Variants in USF3 observed in about 807,000 individuals in gnomAD.
The protein encoded by USF3 is basic helix-loop-helix domain-containing protein USF3.
A neutral mutation model predicts 157.5 loss-of-function variants in USF3; 29 were observed. The ratio of observed to expected loss-of-function variants is 0.18; its 90% CI spans 0.14 to 0.25. USF3 has a LOEUF of 0.25. Among genes scored for constraint, USF3 ranks in the 10% least tolerant of loss-of-function variants. The pLI is 1.00. For missense variants in USF3, 2,381 were observed against 2,667.6 expected (o/e 0.89, Z 2.37); for synonymous variants, 893 against 941.4 (o/e 0.95, Z 0.94).
chr3:113,672,325 C>A lies in USF3; in HGVS notation c.76+1023G>T, dbSNP rs146788644. Among the ~76,000 whole-genome samples the A allele has an allele frequency of 3.9e-3, 588 of 151,758 alleles. 4 individuals carry two copies. The highest frequency in any genetic ancestry group is 0.014 in the African/African-American group (559 of 41,338). On this transcript the variant is annotated intron_variant, in intron 4 of 6. Coordinates refer to ENST00000316407, the MANE Select transcript of USF3 (RefSeq NM_001009899.4). The stretch of plus-strand genomic sequence containing the variant: ...ATTTTTAGAAGAGATGGGGTTTCGC[C>A]ATGTTGGCCAGGCTGGTCTCAAACT...
intron 1 of USF3, among the ~76,000 whole-genome samples, chr3:113,684,425 T>C (rs1271660078): frequency 1.3e-5 from 2 of 152,174 alleles, no homozygotes; most frequent in African/African-American, 4.8e-5. Flanking sequence ...TCCAATATTA[T>C]CTCTTTGAAT....
rs1947283836 is a variant in USF3, at chr3:113,652,608, T to C, written c.*2336A>G. On this transcript the variant is annotated 3_prime_UTR_variant, in exon 7 of 7. Transcript: ENST00000316407. Reference sequence around the variant, plus strand: ...TTTTGCTGAGTCTTTAGAAGAGGTATTCACTGGAGTTAACTGCTCTGACCA... The same window carrying C: ...TTTTGCTGAGTCTTTAGAAGAGGTACTCACTGGAGTTAACTGCTCTGACCA... 1 of 151,750 alleles carries C rather than the reference T, an allele frequency of 6.6e-6. No homozygotes were observed. Among genetic ancestry groups the C allele is most frequent in the Non-Finnish European group, 1.5e-5 (1 of 68,040 alleles). 9.4% of individuals were successfully genotyped at this position (151,750 alleles called of 1,614,324 possible). A position where few individuals can be genotyped will look rare whatever the true frequency, so the allele number is the denominator to read the frequency against.
At position 113,673,394 on chromosome 3, in the gene USF3, G is replaced by T; in HGVS notation, c.48-18C>A. On this transcript the variant is annotated intron_variant, in intron 3 of 6. Coordinates refer to ENST00000316407, the MANE Select transcript of USF3 (RefSeq NM_001009899.4). ...TTTTCTTTCTGAAACAAAAAGTACA[G>T]ATAAAAGGTAACATGAAAATAATGG... 1 of 1,533,364 alleles carries T rather than the reference G, an allele frequency of 6.5e-7. No individual in the cohort carries two copies. Among genetic ancestry groups the T allele is most frequent in the Non-Finnish European group, 9.0e-7 (1 of 1,110,024 alleles). 95.0% of individuals were successfully genotyped at this position (1,533,364 alleles called of 1,614,324 possible). A position where few individuals can be genotyped will look rare whatever the true frequency, so the allele number is the denominator to read the frequency against.
Position 113,660,781 on chromosome 3 carries a change from T to C in USF3, c.901A>G (p.Thr301Ala). ...GCTGAGGAGCTGTGGGGGATGTTTG[T>C]AACACAAGGGGTCATTTTCTTCAAT... ...KVLKKMTPCV[T>A]NIPHSSSATA... Residue 301 changes from threonine (T) to alanine (A), a missense_variant, in exon 7 of 7, where the codon ACA (threonine) becomes GCA (alanine). Transcript: ENST00000316407. 1.2e-6 allele frequency: 2 copies of C among 1,614,222 alleles called. No individual in the cohort carries two copies. The highest frequency in any genetic ancestry group is 2.2e-5 in the South Asian group (2 of 91,086).
intron 1 of USF3, among the ~76,000 whole-genome samples, chr3:113,685,234 CG>C (rs1159128676): frequency 2.0e-5 from 3 of 152,072 alleles, no homozygotes; most frequent in Admixed American, 6.5e-5. Context: ...CTGAGCTGCC[CG>C]GAGTTGGGGA....
intron 1 of USF3, among the ~76,000 whole-genome samples, chr3:113,686,741 G>A (rs573755533): frequency 6.6e-6 from 1 of 152,234 alleles, no homozygotes; most frequent in South Asian, 2.1e-4. Context: ...AATAATCACA[G>A]TAATTCTTAC....
In USF3 at chr3:113,655,144, T is replaced by G; in HGVS notation, c.6538A>C (p.Met2180Leu). The G allele has an allele frequency of 6.2e-7, 1 of 1,614,236 alleles. No individual in the cohort carries two copies. The highest frequency in any genetic ancestry group is 8.5e-7 in the Non-Finnish European group (1 of 1,180,036). Reference sequence around the variant, plus strand: ...AAATTGGATAAGTGAGAGTTGGTCATGTGCATTGGTGGCATATCTGGGAGA... The same window carrying G: ...AAATTGGATAAGTGAGAGTTGGTCAGGTGCATTGGTGGCATATCTGGGAGA... ...PLLPDMPPMHMTNSHLSNFNM... is the reference protein window; with the variant it reads ...PLLPDMPPMHLTNSHLSNFNM... The change falls in exon 7 of 7, where the codon ATG becomes CTG. Residue 2180 changes from methionine (M) to leucine (L), a missense_variant. This residue lies in a region of USF3 where 770 missense variants were observed against 824.2 expected (regional missense o/e 0.93). Coordinates refer to ENST00000316407, the MANE Select transcript of USF3 (RefSeq NM_001009899.4).
At position 113,660,491 on chromosome 3, in the gene USF3, A is replaced by G; in HGVS notation, c.1191T>C (p.Gly397=). 1 of 1,614,132 alleles carries G rather than the reference A, an allele frequency of 6.2e-7. No individual in the cohort carries two copies. Among genetic ancestry groups the G allele is most frequent in the Non-Finnish European group, 8.5e-7 (1 of 1,180,022 alleles). The change falls in exon 7 of 7, where the codon GGT becomes GGC. Residue 397 remains glycine (G), a synonymous_variant. Coordinates refer to ENST00000316407, the MANE Select transcript of USF3 (RefSeq NM_001009899.4). ...AAGGCAAAGAACAAGAAAGAGTCCA[A>G]CCATTGTCCAAAGGGTTTCCCGAAA... ...STLSGNPLDN[G]WTLSCSLPSS...
intron 1 of USF3, among the ~76,000 whole-genome samples, chr3:113,680,126 A>G (rs1202506634): frequency 6.7e-6 from 1 of 148,594 alleles, no homozygotes; most frequent in African/African-American, 2.5e-5. Context: ...GCTTCACAGA[A>G]TGAATTCGAA....
At chr3:113,677,614 T>C (rs1371147124) in intron 1 of USF3, among the ~76,000 whole-genome samples, 4 of 152,204 alleles carry the variant, frequency 2.6e-5, no homozygotes, top group African/African-American at 9.7e-5. Context: ...AAGATGGTAG[T>C]CTTACAGCCA....
chr3:113,689,207 C>T (rs1707630998), intron 1 of USF3, among the ~76,000 whole-genome samples: 1 of 152,126 alleles, frequency 6.6e-6, no homozygotes, highest in Admixed American at 6.5e-5. Flanking sequence ...GAAATAAGTA[C>T]CCTTTAGAGT....
At position 113,659,791 on chromosome 3, in the gene USF3, T is replaced by C. The variant is rs1392331843; in HGVS notation, c.1891A>G (p.Lys631Glu). ...NVPTPQTFGG[K>E]HLVHILPRPS... ...CTTGGTAATATGTGGACAAGATGCT[T>C]TCCTCCAAAAGTCTGTGGTGTTGGA... is the stretch of plus-strand genomic sequence containing the variant. The change falls in exon 7 of 7, where the codon AAG becomes GAG. Residue 631 changes from lysine to glutamate, a missense_variant. This residue lies in a region of USF3 where 1,435 missense variants were observed against 1,550.9 expected (regional missense o/e 0.93). Coordinates refer to ENST00000316407, the MANE Select transcript of USF3 (RefSeq NM_001009899.4). The C allele has an allele frequency of 6.2e-7, 1 of 1,614,214 alleles. No homozygotes were observed. Among genetic ancestry groups the C allele is most frequent in the Non-Finnish European group, 8.5e-7 (1 of 1,180,020 alleles).
At position 113,660,046 on chromosome 3, in the gene USF3, C is replaced by T. The variant is rs1428485631; in HGVS notation, c.1636G>A (p.Ala546Thr). The T allele has an allele frequency of 6.2e-7, 1 of 1,614,192 alleles. No homozygotes were observed. Among genetic ancestry groups the T allele is most frequent in the Non-Finnish European group, 8.5e-7 (1 of 1,180,040 alleles). ...ATTATAACATTTTGATTAGTTGGAGCTGAATTAACAGCTGACCCAACTGGC... is the reference window on the plus strand; with the variant it reads ...ATTATAACATTTTGATTAGTTGGAGTTGAATTAACAGCTGACCCAACTGGC... ...AQPVGSAVNSAPTNQNVIILQ... is the reference protein window; with the variant it reads ...AQPVGSAVNSTPTNQNVIILQ... The change falls in exon 7 of 7, where the codon GCT (alanine) becomes ACT (threonine). Residue 546 changes from alanine (A) to threonine (T), a missense_variant. Ala to Thr is a moderately conservative substitution (Grantham distance 58). This residue lies in a region of USF3 where 1,435 missense variants were observed against 1,550.9 expected (regional missense o/e 0.93). Transcript: ENST00000316407.
chr3:113,661,432 T>A lies in USF3; in HGVS notation c.257-7A>T. 1.3e-6 allele frequency: 2 copies of A among 1,491,012 alleles called. No individual in the cohort carries two copies. The highest frequency in any genetic ancestry group is 9.0e-7 in the Non-Finnish European group (1 of 1,110,738). The allele number at this position is 1,491,012 out of a possible 1,614,324, so 92.4% of individuals were successfully genotyped here. On this transcript the variant is annotated splice_polypyrimidine_tract_variant and splice_region_variant and intron_variant, in intron 6 of 6. Coordinates refer to ENST00000316407, the MANE Select transcript of USF3 (RefSeq NM_001009899.4). The stretch of plus-strand genomic sequence containing the variant: ...AGCTTTTTTATTTCTTCAGCTATAA[T>A]ATTAAAAACAAAAATTTATAAATAC...
At chr3:113,674,941 G>T in intron 2 of USF3, 45 bp from the exon 3 acceptor site, 1 of 1,288,338 alleles carries the variant, frequency 7.8e-7, no homozygotes, top group Non-Finnish European at 1.1e-6. Context: ...AGTCATTCTA[G>T]AATCTTACAA....
In USF3 at chr3:113,658,906, G is replaced by C. The variant is rs1196582440; in HGVS notation, c.2776C>G (p.Pro926Ala). 1 of 1,614,194 alleles carries C rather than the reference G, an allele frequency of 6.2e-7. No homozygotes were observed. Among genetic ancestry groups the C allele is most frequent in the Non-Finnish European group, 8.5e-7 (1 of 1,180,038 alleles). The change falls in exon 7 of 7, where the codon CCA becomes GCA. Residue 926 changes from proline (P) to alanine (A), a missense_variant. Pro to Ala is a conservative substitution (Grantham distance 27). Transcript: ENST00000316407. ...GCATCTGATAATGCTAAACTACTTG[G>C]TGGTTTATCCTGAGATGTCTCTTGT... Reference protein sequence around the residue: ...LQQETSQDKPPSSLALSDAAK... With the variant: ...LQQETSQDKPASSLALSDAAK...
chr3:113,659,375 T>C lies in USF3; in HGVS notation c.2307A>G (p.Leu769=), dbSNP rs1441945200. 2.5e-6 allele frequency: 4 copies of C among 1,614,246 alleles called. No individual in the cohort carries two copies. Among genetic ancestry groups the C allele is most frequent in the East Asian group, 2.2e-5 (1 of 44,888 alleles). The change falls in exon 7 of 7, where the codon CTA becomes CTG. Residue 769 remains leucine (L), a synonymous_variant. Transcript: ENST00000316407. The part of the protein sequence containing the change: ...PPVTTDSSAT[L]ASTYNLVSTS... The stretch of plus-strand genomic sequence containing the variant: ...TACTCACTAGATTATAAGTACTAGC[T>C]AGTGTGGCTGAACTATCTGTTGTCA...
In USF3 at chr3:113,652,809, A is replaced by G. The variant is rs1480998793; in HGVS notation, c.*2135T>C. 1 of 171,848 alleles carries G rather than the reference A, an allele frequency of 5.8e-6. No individual in the cohort carries two copies. Among genetic ancestry groups the G allele is most frequent in the Non-Finnish European group, 1.2e-5 (1 of 80,720 alleles). The allele number at this position is 171,848 out of a possible 1,614,324, so 10.6% of individuals were successfully genotyped here. A position where few individuals can be genotyped will look rare whatever the true frequency, so the allele number is the denominator to read the frequency against. ...CGTCTCTACTAAAAATATAAAAATT[A>G]GCCAGGTGTAGTGGCACAGACCTGT... On this transcript the variant is annotated 3_prime_UTR_variant, in exon 7 of 7. Transcript: ENST00000316407.
At chr3:113,676,768 A>C (rs1355062247) in intron 2 of USF3, among the ~76,000 whole-genome samples, 1 of 152,178 alleles carries the variant, frequency 6.6e-6, no homozygotes, top group Non-Finnish European at 1.5e-5. Flanking sequence ...CTGAAGTCAG[A>C]AAGCATGAGT....
Sources: gnomAD v4.1 joint callset for allele counts (sites outside exome capture counted in the v4.1 genomes callset) on GRCh38, gnomAD v4.1.1 for gene constraint, gnomAD v4.1.1 regional missense constraint, MANE v1.5 for transcripts, NCBI Gene and HGNC (gene_info 2026-07-23, HGNC 2026-07-21) for gene names.